Variants in SP100 observed in about 807,000 individuals in gnomAD.
SP100 encodes the protein SP100 nuclear body protein, also known as nuclear autoantigen Sp-100.
In SP100, 84 loss-of-function variants were observed where a neutral mutation model predicts 130.0. That is an observed-to-expected ratio of 0.65 (90% CI 0.54 to 0.77). The LOEUF is 0.77. Ranked by LOEUF, SP100 falls within the 30% of genes least tolerant of loss-of-function variation. The pLI is 0.00. For missense variants in SP100, 978 were observed against 1,052.2 expected (o/e 0.93, Z 0.97); for synonymous variants, 331 against 351.7 (o/e 0.94, Z 0.66).
Position 230,508,031 on chromosome 2 carries a change from G to C in SP100, c.2052G>C (p.Lys684Asn), listed in dbSNP as rs1448953668. The C allele has an allele frequency of 6.2e-7, 1 of 1,612,316 alleles. No individual in the cohort carries two copies. The highest frequency in any genetic ancestry group is 8.5e-7 in the Non-Finnish European group (1 of 1,179,164). The change falls in exon 23 of 29, where the codon AAG (lysine) becomes AAC (asparagine). Residue 684 changes from lysine to asparagine, a missense_variant and splice_region_variant. Transcript: ENST00000340126. ...CAGAACCACCAAGCACAAGAAAAAAGGTGATGATCAAGTGATCTTCTGCCA... is the reference window on the plus strand; with the variant it reads ...CAGAACCACCAAGCACAAGAAAAAACGTGATGATCAAGTGATCTTCTGCCA... ...FLPEPPSTRK[K>N]RILESHNNTL...
intron 17 of SP100, among the ~76,000 whole-genome samples, chr2:230,486,997 T>A (rs1015740723): frequency 6.6e-6 from 1 of 152,242 alleles, no homozygotes; most frequent in African/African-American, 2.4e-5. Context: ...TCTGTTCATA[T>A]CCTTTGTCCA....
intron 8 of SP100, 45 bp from the exon 9 acceptor site, chr2:230,461,217 G>A (rs779836216): frequency 6.3e-7 from 1 of 1,578,594 alleles, no homozygotes; most frequent in East Asian, 2.2e-5. Flanking sequence ...AGTGAAGGAG[G>A]TTCACTGGGG....
chr2:230,511,144 AC>A lies in SP100; in HGVS notation c.2073del (p.Asn691LysfsTer4). ...CAACAGAGAATACTGGAATCTCACA[AC>A]AATACCTTAGTTGACCCTTGTGTAA... ...TRKKRILESH[N>X]NTLVDPCPEN... On this transcript the variant is annotated frameshift_variant, in exon 24 of 29. Coordinates refer to ENST00000340126, the MANE Select transcript of SP100 (RefSeq NM_001080391.2). LOFTEE classifies it high-confidence loss of function. The A allele has an allele frequency of 6.2e-7, 1 of 1,610,110 alleles. No individual in the cohort carries two copies.
intron 10 of SP100, among the ~76,000 whole-genome samples, chr2:230,463,254 C>T (rs897086949): frequency 6.6e-6 from 1 of 152,192 alleles, no homozygotes; most frequent in Non-Finnish European, 1.5e-5. Context: ...TTCTGAGTTA[C>T]TTCCTTTGTG....
chr2:230,541,774 C>T, intron 27 of SP100, 118 bp from the exon 28 acceptor site: 1 of 1,104,612 alleles, frequency 9.1e-7, no homozygotes, highest in Non-Finnish European at 1.3e-6. Context: ...CTAGTACCTT[C>T]ACAGGGGGGT....
At chr2:230,526,639 C>T (rs1290019205) in intron 24 of SP100, among the ~76,000 whole-genome samples, 1 of 152,176 alleles carries the variant, frequency 6.6e-6, no homozygotes, top group Non-Finnish European at 1.5e-5. Context: ...CATGTTCTAA[C>T]CCACCACAAG....
intron 14 of SP100, chr2:230,469,346 A>G (rs1575676776): frequency 3.9e-6 from 2 of 516,712 alleles, no homozygotes; most frequent in Non-Finnish European, 7.3e-6. Context: ...TCCTGAGTAG[A>G]GGGGGTGCCC....
chr2:230,467,295 A>G (rs762765194), intron 13 of SP100, 80 bp downstream of exon 13: 14 of 995,242 alleles, frequency 1.4e-5, no homozygotes, highest in East Asian at 4.8e-5. Flanking sequence ...AGCACACACA[A>G]CAGCTATCCA....
In SP100 at chr2:230,469,658, G is replaced by T. The variant is rs1315835070; in HGVS notation, c.1346-357G>T. Reference sequence around the variant, plus strand: ...AGACAGAATAGGGTAGGAAAAGAGAGCTTTGGGGTTATATACATTTGCATT... The same window carrying T: ...AGACAGAATAGGGTAGGAAAAGAGATCTTTGGGGTTATATACATTTGCATT... On this transcript the variant is annotated intron_variant, in intron 14 of 28. Coordinates refer to ENST00000340126, the MANE Select transcript of SP100 (RefSeq NM_001080391.2). 29 of 809,822 alleles carry T rather than the reference G, an allele frequency of 3.6e-5. No individual in the cohort carries two copies. The East Asian group carries it at 1.7e-3, about 46-fold the overall frequency. 50.2% of individuals were successfully genotyped at this position (809,822 alleles called of 1,614,324 possible).
chr2:230,513,243 A>G (rs1690722778), intron 24 of SP100, among the ~76,000 whole-genome samples: 1 of 152,224 alleles, frequency 6.6e-6, no homozygotes, highest in South Asian at 2.1e-4. Flanking sequence ...AGTTACAATC[A>G]TTGGATACAG....
intron 18 of SP100, among the ~76,000 whole-genome samples, chr2:230,497,429 GAGGGAAGGATGA>G (rs2066728693): frequency 7.1e-6 from 1 of 140,412 alleles, no homozygotes; most frequent in Non-Finnish European, 1.5e-5. Context: ...AAGAGGGAAG[GAGGGAAGGATGA>G]AGGGAAGGAG....
intron 24 of SP100, among the ~76,000 whole-genome samples, chr2:230,528,412 GGACACAT>G (rs1691533569): frequency 6.6e-6 from 1 of 152,144 alleles, no homozygotes; most frequent in Admixed American, 6.5e-5. Flanking sequence ...AGAATCTCTG[GGACACAT>G]TTAAGGCAGT....
chr2:230,485,016 A>ATT (rs2066002124), intron 17 of SP100, among the ~76,000 whole-genome samples: 4 of 152,092 alleles, frequency 2.6e-5, no homozygotes, highest in Admixed American at 2.6e-4. Context: ...TACAGCCTTG[A>ATT]ACTCCTCAGC....
At chr2:230,494,355 A>C in intron 17 of SP100, 61 bp from the exon 18 acceptor site, 1 of 1,240,794 alleles carries the variant, frequency 8.1e-7, no homozygotes, top group South Asian at 1.2e-5. Context: ...ATTGACATAT[A>C]AAGTGTGTAA....
In SP100 at chr2:230,492,340, A is replaced by G. The variant is rs115540328; in HGVS notation, c.1601-2076A>G. Among the ~76,000 whole-genome samples the G allele has an allele frequency of 3.2e-3, 486 of 152,242 alleles. 3 individuals carry two copies. Among genetic ancestry groups the G allele is most frequent in the African/African-American group, 0.011 (472 of 41,552 alleles). ...TTGGTTTGGCTAGAGACAGGGTCTC[A>G]CTCTGTCACCCAGGCTAGAGGGCAG... On this transcript the variant is annotated intron_variant, in intron 17 of 28. Transcript: ENST00000340126.
Position 230,417,590 on chromosome 2 carries a change from G to C in SP100, c.33-1G>C, listed in dbSNP as rs1184043561. 2 of 1,611,258 alleles carry C rather than the reference G, an allele frequency of 1.2e-6. No individual in the cohort carries two copies. The highest frequency in any genetic ancestry group is 3.4e-5 in the Admixed American group (2 of 59,172). ...TTGGTCCTGCCAAATTGTCTTTCTA[G>C]GAGGCTGAATGAATGTATTTCACCA... is the stretch of plus-strand genomic sequence containing the variant. On this transcript the variant is annotated splice_acceptor_variant, in intron 1 of 28. Transcript: ENST00000340126. LOFTEE classifies it high-confidence loss of function.
At chr2:230,502,349 A>G (rs753634847) in intron 19 of SP100, among the ~76,000 whole-genome samples, 1 of 152,144 alleles carries the variant, frequency 6.6e-6, no homozygotes, top group Admixed American at 6.5e-5. Flanking sequence ...CCAAGTTTAC[A>G]TATCTGACTG....
chr2:230,418,460 T>C (rs1354518157), intron 2 of SP100, among the ~76,000 whole-genome samples: 1 of 152,212 alleles, frequency 6.6e-6, no homozygotes, highest in Non-Finnish European at 1.5e-5. Context: ...CTTAGTTATT[T>C]TTCCAGACTG....
At chr2:230,418,975 T>C (rs2062694197) in intron 2 of SP100, among the ~76,000 whole-genome samples, 1 of 152,206 alleles carries the variant, frequency 6.6e-6, no homozygotes, top group African/African-American at 2.4e-5. Context: ...GCACTGGATC[T>C]ATAAATCAAT....
Sources: gnomAD v4.1 joint callset for allele counts (sites outside exome capture counted in the v4.1 genomes callset) on GRCh38, gnomAD v4.1.1 for gene constraint, MANE v1.5 for transcripts, NCBI Gene and HGNC (gene_info 2026-07-23, HGNC 2026-07-21) for gene names.